Variants in DDX60L observed in about 807,000 individuals in gnomAD.
The protein encoded by DDX60L is DExD/H-box 60 like.
DDX60L carries 191 observed loss-of-function variants against 211.6 expected under a neutral mutation model. The ratio of observed to expected loss-of-function variants is 0.90; its 90% CI spans 0.80 to 1.02. The LOEUF (loss-of-function observed/expected upper bound fraction) is 1.02, where lower values mean the gene tolerates loss of function less well. DDX60L is among the 50% of genes least tolerant of loss of function. The pLI, the probability that DDX60L is intolerant of heterozygous loss-of-function variation, is 0.00. For missense variants in DDX60L, 2,007 were observed against 1,984.1 expected (o/e 1.01, Z -0.22); for synonymous variants, 706 against 694.1 (o/e 1.02, Z -0.27).
At chr4:168,447,357 G>T (rs954029581) in intron 9 of DDX60L, among the ~76,000 whole-genome samples, 1 of 140,946 alleles carries the variant, frequency 7.1e-6, no homozygotes, top group African/African-American at 2.5e-5. Context: ...AGTTAGAATG[G>T]CAAACATTAA....
chr4:168,475,650 T>TA (rs5863936), intron 1 of DDX60L, among the ~76,000 whole-genome samples: 61,146 of 147,668 alleles, frequency 0.41, 14,439 homozygotes, highest in East Asian at 0.64. Flanking sequence ...TTATCATTTA[T>TA]AAAAAAAAAA....
intron 36 of DDX60L, among the ~76,000 whole-genome samples, chr4:168,362,835 A>G (rs1739333135): frequency 1.3e-5 from 2 of 152,350 alleles, no homozygotes; most frequent in South Asian, 4.1e-4. Context: ...ACACCATTAA[A>G]TGAACAAATA....
rs753651307 is a variant in DDX60L, at chr4:168,471,930, G to A, written c.81C>T (p.Ser27=). The A allele has an allele frequency of 1.6e-5, 26 of 1,589,386 alleles. No homozygotes were observed. The South Asian group carries it at 2.6e-4, about 16-fold the overall frequency. ...ILNEMPKAGY[S]SILNDFVESN... is the part of the protein sequence containing the mutation. ...ATTCCACAAAATCATTTAATATGCT[G>A]GAATACCTAAAATAAAAATCAAAGA... Residue 27 remains serine, a synonymous_variant, in exon 4 of 38, where the codon TCC becomes TCT. Transcript: ENST00000682922.
rs1565270 is a variant in DDX60L at position 168,448,969 on chromosome 4, C to G, written c.997-190G>C. Among the ~76,000 whole-genome samples, 865 of 152,242 alleles carry G rather than the reference C, an allele frequency of 5.7e-3. 8 individuals are homozygous for G. Among genetic ancestry groups the G allele is most frequent in the African/African-American group, 0.018 (742 of 41,526 alleles). ...TGCTTTCATATCTTTACTTTTAAAA[C>G]TGGGAATTGCACTGCTTATCCTAGT... On this transcript the variant is annotated intron_variant, in intron 8 of 37. Coordinates refer to ENST00000682922, the MANE Select transcript of DDX60L (RefSeq NM_001012967.3).
chr4:168,378,333 T>C, intron 33 of DDX60L, 21 bp downstream of exon 33: 1 of 1,280,832 alleles, frequency 7.8e-7, no homozygotes, highest in Admixed American at 2.1e-5. Flanking sequence ...ATTATATCAT[T>C]GTAAGTATAA....
intron 19 of DDX60L, among the ~76,000 whole-genome samples, chr4:168,417,439 G>A (rs1344676507): frequency 6.6e-6 from 1 of 152,084 alleles, no homozygotes; most frequent in African/African-American, 2.4e-5. Flanking sequence ...CCACCTCTTA[G>A]CTGACCATTC....
At chr4:168,388,460 G>A (rs183532099) in intron 29 of DDX60L, among the ~76,000 whole-genome samples, 115 of 152,270 alleles carry the variant, frequency 7.6e-4, no homozygotes, top group Non-Finnish European at 1.6e-4. Context: ...GATGCAAAGG[G>A]CCCTACTAAT....
intron 30 of DDX60L, among the ~76,000 whole-genome samples, chr4:168,383,708 G>T (rs1579283710): frequency 6.6e-6 from 1 of 152,036 alleles, no homozygotes; most frequent in African/African-American, 2.4e-5. Context: ...TGCCTCTCTG[G>T]GCCTGATAAT....
chr4:168,375,173 A>G (rs2149654569), intron 34 of DDX60L, among the ~76,000 whole-genome samples: 1 of 152,214 alleles, frequency 6.6e-6, no homozygotes, highest in Admixed American at 6.5e-5. Context: ...GTAATTATAA[A>G]GTTTTTTTTT....
At chr4:168,442,984 A>C (rs1159669033) in intron 9 of DDX60L, among the ~76,000 whole-genome samples, 1 of 152,248 alleles carries the variant, frequency 6.6e-6, no homozygotes, top group Non-Finnish European at 1.5e-5. Flanking sequence ...CCTCCTCCAA[A>C]GGAACGCAGT....
intron 29 of DDX60L, among the ~76,000 whole-genome samples, chr4:168,387,058 T>C (rs938973022): frequency 6.6e-6 from 1 of 152,176 alleles, no homozygotes; most frequent in Admixed American, 6.6e-5. Flanking sequence ...CAGAATAGAA[T>C]ACGGGCAAAT....
intron 29 of DDX60L, among the ~76,000 whole-genome samples, chr4:168,388,206 ATCAAAGAAGACT>A (rs1395633577): frequency 6.6e-6 from 1 of 152,216 alleles, no homozygotes; most frequent in Non-Finnish European, 1.5e-5. Flanking sequence ...AGCTGGAGTA[ATCAAAGAAGACT>A]TCAAAGAAAA....
intron 26 of DDX60L, among the ~76,000 whole-genome samples, chr4:168,396,620 T>A (rs563921732): frequency 1.3e-5 from 2 of 152,094 alleles, no homozygotes; most frequent in African/African-American, 4.8e-5. Flanking sequence ...ATTATACCAT[T>A]AAATACTCTT....
intron 30 of DDX60L, among the ~76,000 whole-genome samples, chr4:168,381,654 A>G (rs1453985148): frequency 6.6e-6 from 1 of 152,036 alleles, no homozygotes; most frequent in Non-Finnish European, 1.5e-5. Context: ...AAAAGGATCC[A>G]TATACATGGG....
intron 34 of DDX60L, among the ~76,000 whole-genome samples, chr4:168,374,891 A>T (rs1366836818): frequency 1.3e-5 from 2 of 152,210 alleles, no homozygotes; most frequent in Admixed American, 6.5e-5. Context: ...AAAATGAGAC[A>T]CAGAAAGATT....
chr4:168,422,864 C>T (rs927930077), intron 15 of DDX60L, among the ~76,000 whole-genome samples, 194 bp from the exon 16 acceptor site: 1 of 152,054 alleles, frequency 6.6e-6, no homozygotes, highest in African/African-American at 2.4e-5. Context: ...CAGCCTTGAA[C>T]TGCTGAGTGC....
In DDX60L at chr4:168,361,301, A is replaced by G. The variant is rs182126622; in HGVS notation, c.4929-90T>C. ...ACTTTAATAGTGGTCTGTCCATGGC[A>G]GTTAATTTATCTGCCAAATGCACTC... On this transcript the variant is annotated intron_variant, in intron 36 of 37. Coordinates refer to ENST00000682922, the MANE Select transcript of DDX60L (RefSeq NM_001012967.3). 3.2e-5 allele frequency: 25 copies of G among 785,164 alleles called. No homozygotes were observed. The African/African-American group carries it at 3.6e-4, about 11-fold the overall frequency. The allele number at this position is 785,164 out of a possible 1,614,324, so 48.6% of individuals were successfully genotyped here.
Position 168,472,709 on chromosome 4 carries a change from T to A in DDX60L, c.-10A>T. 6.2e-7 allele frequency: 1 copy of A among 1,613,492 alleles called. No homozygotes were observed. The highest frequency in any genetic ancestry group is 8.5e-7 in the Non-Finnish European group (1 of 1,179,688). ...ATTGAGAATTACCCATCGTTGCTGCTTCTTGGGCTACAGGGTAGAAGAGTA... is the reference window on the plus strand; with the variant it reads ...ATTGAGAATTACCCATCGTTGCTGCATCTTGGGCTACAGGGTAGAAGAGTA... On this transcript the variant is annotated 5_prime_UTR_variant, in exon 2 of 38. It adds an upstream start codon to the 5' untranslated region. Coordinates refer to ENST00000682922, the MANE Select transcript of DDX60L (RefSeq NM_001012967.3).
chr4:168,457,283 CACACACACAT>C (rs1756706473), intron 6 of DDX60L, among the ~76,000 whole-genome samples: 1 of 151,196 alleles, frequency 6.6e-6, no homozygotes, highest in Non-Finnish European at 1.5e-5. Context: ...CACACACACA[CACACACACAT>C]ACACACACAC....
Sources: gnomAD v4.1 joint callset for allele counts (sites outside exome capture counted in the v4.1 genomes callset) on GRCh38, gnomAD v4.1.1 for gene constraint, MANE v1.5 for transcripts, NCBI Gene and HGNC (gene_info 2026-07-23, HGNC 2026-07-21) for gene names.